The following TEKTL1 variants were observed in gnomAD, a reference collection of about 807,000 sequenced individuals.
The protein encoded by TEKTL1 is tektin-like protein 1.
chr19:15,014,414 A>G, the TEKTL1 span, among the ~76,000 whole-genome samples: 3 of 152,172 alleles, frequency 2.0e-5, no homozygotes, highest in Non-Finnish European at 2.9e-5. Context: ...TGACTGAGAA[A>G]GAACTAGCCT....
the TEKTL1 span, among the ~76,000 whole-genome samples, chr19:15,021,052 G>A: frequency 0.069 from 10,406 of 151,908 alleles, 662 homozygotes; most frequent in African/African-American, 0.17. Flanking sequence ...GCTAATTTTT[G>A]TATTTTTAGT....
chr19:15,022,931 G>T, the TEKTL1 span: 1 of 1,610,324 alleles, frequency 6.2e-7, no homozygotes, highest in African/African-American at 1.3e-5. Context: ...CGAGCTGCTC[G>T]CCACGCACAA....
chr19:15,011,213 G>T, the TEKTL1 span: 449 of 1,469,076 alleles, frequency 3.1e-4, 4 homozygotes, highest in Middle Eastern at 3.2e-3. Context: ...GCACGCGCAC[G>T]CGCGTGGAGC....
chr19:15,013,389 A>G, the TEKTL1 span, among the ~76,000 whole-genome samples: 1 of 152,136 alleles, frequency 6.6e-6, no homozygotes, highest in East Asian at 1.9e-4. Flanking sequence ...CCCTCCCCCA[A>G]GTTGAGACAC....
At chr19:15,021,828 T>C in the TEKTL1 span, 1 of 1,614,062 alleles carries the variant, frequency 6.2e-7, no homozygotes, top group Admixed American at 1.7e-5. Flanking sequence ...AAAGTTCACC[T>C]GGAGACCGCA....
chr19:15,022,876 C>T, the TEKTL1 span: 1 of 1,589,820 alleles, frequency 6.3e-7, no homozygotes, highest in South Asian at 1.1e-5. Flanking sequence ...TCCAGGGCAC[C>T]GACAAGCTGC....
chr19:15,020,449 C>G, the TEKTL1 span: 1 of 1,609,016 alleles, frequency 6.2e-7, no homozygotes, highest in African/African-American at 1.3e-5. Context: ...TTCTCCTCCC[C>G]TCCCCACCCA....
the TEKTL1 span, among the ~76,000 whole-genome samples, chr19:15,018,963 T>C: frequency 6.6e-6 from 1 of 151,818 alleles, no homozygotes; most frequent in African/African-American, 2.4e-5. Flanking sequence ...TTTGTTTTTG[T>C]TTTGAGACAG....
chr19:15,018,715 A>ATATATATAT, the TEKTL1 span, among the ~76,000 whole-genome samples: 12 of 68,286 alleles, frequency 1.8e-4, no homozygotes, highest in African/African-American at 5.1e-4. Context: ...CCTATCTCAA[A>ATATATATAT]ATATGTATAT....
the TEKTL1 span, chr19:15,023,027 C>A: frequency 6.2e-7 from 1 of 1,612,784 alleles, no homozygotes; most frequent in South Asian, 1.1e-5. Context: ...CCAGCGGCAA[C>A]CGCACGTGTG....
At chr19:15,020,975 G>A in the TEKTL1 span, among the ~76,000 whole-genome samples, 424 of 151,748 alleles carry the variant, frequency 2.8e-3, 1 homozygote, top group Non-Finnish European at 4.4e-3. Flanking sequence ...CGCCTCCCAG[G>A]TTCAAGTGAT....
chr19:15,021,995 C>T, the TEKTL1 span: 1 of 1,141,782 alleles, frequency 8.8e-7, no homozygotes, highest in African/African-American at 1.5e-5. Flanking sequence ...ACATCTGGAC[C>T]AGGTATGATC....
At chr19:15,017,021 G>A in the TEKTL1 span, among the ~76,000 whole-genome samples, 1 of 152,098 alleles carries the variant, frequency 6.6e-6, no homozygotes, top group Non-Finnish European at 1.5e-5. Flanking sequence ...AGGAATTTGA[G>A]GCCAGCTTGC....
At chr19:15,013,579 T>G in the TEKTL1 span, 2 of 887,902 alleles carry the variant, frequency 2.3e-6, no homozygotes, top group East Asian at 2.6e-5. Context: ...ACTCAGAGTT[T>G]ATGAGGCTGG....
chr19:15,019,017 T>C, the TEKTL1 span, among the ~76,000 whole-genome samples: 4 of 151,918 alleles, frequency 2.6e-5, no homozygotes, highest in Non-Finnish European at 5.9e-5. Context: ...GGTGCAATCA[T>C]GGCTCACTGC....
chr19:15,022,139 GTCC>G, the TEKTL1 span, among the ~76,000 whole-genome samples: 1 of 152,014 alleles, frequency 6.6e-6, no homozygotes, highest in African/African-American at 2.4e-5. Flanking sequence ...CTCAACCCCT[GTCC>G]TCCCCCCTCA....
the TEKTL1 span, chr19:15,022,933 C>A: frequency 5.0e-6 from 8 of 1,611,134 alleles, no homozygotes; most frequent in African/African-American, 1.3e-5. Flanking sequence ...AGCTGCTCGC[C>A]ACGCACAAGA....
At chr19:15,013,464 G>C in the TEKTL1 span, among the ~76,000 whole-genome samples, 2 of 152,016 alleles carry the variant, frequency 1.3e-5, no homozygotes, top group Non-Finnish European at 1.5e-5. Flanking sequence ...AAGCTCCAGA[G>C]AGCAAGACCC....
At chr19:15,019,137 T>C in the TEKTL1 span, among the ~76,000 whole-genome samples, 3 of 152,054 alleles carry the variant, frequency 2.0e-5, no homozygotes, top group Non-Finnish European at 4.4e-5. Flanking sequence ...TTTGTAGAGA[T>C]GGAGTTTCAC....
Sources: gnomAD v4.1 joint callset for allele counts (sites outside exome capture counted in the v4.1 genomes callset) on GRCh38, gnomAD v4.1.1 for gene constraint, MANE v1.5 for transcripts, NCBI Gene and HGNC (gene_info 2026-07-23, HGNC 2026-07-21) for gene names.